FKBP4: variants seen among roughly 807,000 people sequenced by gnomAD.
FKBP4 encodes peptidyl-prolyl cis-trans isomerase FKBP4.
FKBP4 carries 28 observed loss-of-function variants against 54.1 expected under a neutral mutation model. The ratio of observed to expected loss-of-function variants is 0.52; its 90% CI spans 0.38 to 0.71. FKBP4 has a LOEUF of 0.71. FKBP4 is among the 30% of genes least tolerant of loss of function. FKBP4 has a pLI of 0.00. For synonymous variants in FKBP4, 223 were observed against 216.1 expected (o/e 1.03, Z -0.28); for missense variants, 493 against 574.4 (o/e 0.86, Z 1.45).
chr12:2,798,756 C>A lies in FKBP4; in HGVS notation c.444C>A (p.Gly148=), dbSNP rs1459297093. ...KGEDLTEEED[G]GIIRRIQTRG... ...AAGATCTGACGGAAGAGGAAGATGG[C>A]GGAATCATTCGCAGAATACAGACTC... The change falls in exon 4 of 10, where the codon GGC becomes GGA. Residue 148 remains glycine, a synonymous_variant. Transcript: ENST00000001008. The surrounding 1 kb of genome is among the most constrained non-coding windows in gnomAD (Gnocchi z 4.3). 9 of 1,614,044 alleles carry A rather than the reference C, an allele frequency of 5.6e-6. No individual in the cohort carries two copies. In the South Asian group the frequency reaches 8.8e-5, roughly 16 times the overall value.
rs2097901538 is a variant in FKBP4, at chr12:2,795,910, A to C, written c.105+666A>C. ...GCCCCGGGGAGGCCGGGCGCGGGGCATGCCGGGAGCTGTAGTCCCCTCCCC... is the reference window on the plus strand; with the variant it reads ...GCCCCGGGGAGGCCGGGCGCGGGGCCTGCCGGGAGCTGTAGTCCCCTCCCC... On this transcript the variant is annotated intron_variant, in intron 1 of 9. Coordinates refer to ENST00000001008, the MANE Select transcript of FKBP4 (RefSeq NM_002014.4). This position sits in a 1 kb window ranked among gnomAD's most constrained non-coding sequence, Gnocchi z 4.3. 1 of 983,020 alleles carries C rather than the reference A, an allele frequency of 1.0e-6. No individual in the cohort carries two copies. Among genetic ancestry groups the C allele is most frequent in the Middle Eastern group, 5.2e-4 (1 of 1,918 alleles). The allele number at this position is 983,020 out of a possible 1,614,324, so 60.9% of individuals were successfully genotyped here. A position where few individuals can be genotyped will look rare whatever the true frequency, so the allele number is the denominator to read the frequency against.
chr12:2,799,752 A>G, intron 5 of FKBP4, 98 bp from the exon 6 acceptor site: 1 of 1,009,174 alleles, frequency 9.9e-7, no homozygotes, highest in East Asian at 2.5e-5. Flanking sequence ...GTCTCAAGGG[A>G]TGGGAAGGTA....
intron 5 of FKBP4, 152 bp from the exon 6 acceptor site, chr12:2,799,698 C>T (rs2097903694): frequency 1.5e-6 from 1 of 671,960 alleles, no homozygotes; most frequent in East Asian, 2.7e-5. Context: ...GACCATCTGA[C>T]AGTGTGAAGA....
rs772597983 is a variant in FKBP4, at chr12:2,799,153, G to C, written c.580G>C (p.Glu194Gln). The change falls in exon 5 of 10, where the codon GAG (glutamate) becomes CAG (glutamine). Residue 194 changes from glutamate (E) to glutamine (Q), a missense_variant. Glu to Gln is a conservative substitution (Grantham distance 29). Transcript: ENST00000001008. ...DQRELRFEIG[E>Q]GENLDLPYGL... ...GCGGGAGCTCCGCTTTGAGATTGGCGAGGGGGAGAACCTGGATCTGCCTTA... is the reference window on the plus strand; with the variant it reads ...GCGGGAGCTCCGCTTTGAGATTGGCCAGGGGGAGAACCTGGATCTGCCTTA... 1.3e-6 allele frequency: 2 copies of C among 1,592,952 alleles called. No individual in the cohort carries two copies. The highest frequency in any genetic ancestry group is 1.7e-6 in the Non-Finnish European group (2 of 1,171,912).
chr12:2,801,163 G>C lies in FKBP4; in HGVS notation c.1079G>C (p.Gly360Ala), dbSNP rs1565397887. The change falls in exon 9 of 10, where the codon GGA becomes GCA. Residue 360 changes from glycine (G) to alanine (A), a missense_variant. Transcript: ENST00000001008. The stretch of plus-strand genomic sequence containing the variant: ...AACGAGAAGGGCCTCTTCCGCCGGG[G>C]AGAGGCCCACCTGGCCGTGAATGAC... ...SNNEKGLFRR[G>A]EAHLAVNDFE... 6 of 1,613,632 alleles carry C rather than the reference G, an allele frequency of 3.7e-6. No homozygotes were observed. Among genetic ancestry groups the C allele is most frequent in the Non-Finnish European group, 3.4e-6 (4 of 1,179,932 alleles).
chr12:2,800,555 C>A lies in FKBP4; in HGVS notation c.1010C>A (p.Ala337Asp). 1 of 1,611,866 alleles carries A rather than the reference C, an allele frequency of 6.2e-7. No individual in the cohort carries two copies. Among genetic ancestry groups the A allele is most frequent in the Non-Finnish European group, 8.5e-7 (1 of 1,179,076 alleles). The change falls in exon 8 of 10, where the codon GCT becomes GAT. Residue 337 changes from alanine (A) to aspartate (D), a missense_variant. Ala to Asp is a moderately radical substitution (Grantham distance 126). Transcript: ENST00000001008. ...MCHLKLQAFSAAIESCNKALE... is the reference protein window; with the variant it reads ...MCHLKLQAFSDAIESCNKALE... ...CATCTGAAACTACAGGCCTTCTCTGCTGCCATTGAAAGCTGTAACAAGGTG... is the reference window on the plus strand; with the variant it reads ...CATCTGAAACTACAGGCCTTCTCTGATGCCATTGAAAGCTGTAACAAGGTG...
Position 2,797,844 on chromosome 12 carries a change from T to G in FKBP4, c.366T>G (p.Ile122Met). 6.2e-7 allele frequency: 1 copy of G among 1,613,680 alleles called. No individual in the cohort carries two copies. The highest frequency in any genetic ancestry group is 8.5e-7 in the Non-Finnish European group (1 of 1,179,820). Reference protein sequence around the residue: ...AYGSAGSPPKIPPNATLVFEV... With the variant: ...AYGSAGSPPKMPPNATLVFEV... The stretch of plus-strand genomic sequence containing the variant: ...GTTCAGCAGGCAGTCCTCCAAAGAT[T>G]CCCCCCAATGCCACGCTTGTATTTG... Residue 122 changes from isoleucine (I) to methionine (M), a missense_variant, in exon 3 of 10, where the codon ATT becomes ATG. Ile to Met is a conservative substitution (Grantham distance 10). Coordinates refer to ENST00000001008, the MANE Select transcript of FKBP4 (RefSeq NM_002014.4).
rs1040396740 is a variant in FKBP4 at position 2,798,430 on chromosome 12, G to A, written c.394-276G>A. On this transcript the variant is annotated intron_variant, in intron 3 of 9. Coordinates refer to ENST00000001008, the MANE Select transcript of FKBP4 (RefSeq NM_002014.4). The surrounding 1 kb of genome is among the most constrained non-coding windows in gnomAD (Gnocchi z 4.3). ...AGTGTGAATTAGGATTATCTGGGAC[G>A]CGTCCTGATATGTCCGTGTTAGTAG... is the stretch of plus-strand genomic sequence containing the variant. Among the ~76,000 whole-genome samples the A allele has an allele frequency of 6.6e-6, 1 of 152,206 alleles. No individual in the cohort carries two copies. The highest frequency in any genetic ancestry group is 2.4e-5 in the African/African-American group (1 of 41,440).
chr12:2,803,066 G>A, intron 9 of FKBP4, 85 bp from the exon 10 acceptor site: 1 of 944,566 alleles, frequency 1.1e-6, no homozygotes, highest in Non-Finnish European at 1.7e-6. Flanking sequence ...AGGAGAATGG[G>A]TGTATCTGTG....
At position 2,795,076 on chromosome 12, in the gene FKBP4, G is replaced by A; in HGVS notation, c.-64G>A. 6 of 1,069,640 alleles carry A rather than the reference G, an allele frequency of 5.6e-6. No individual in the cohort carries two copies. Among genetic ancestry groups the A allele is most frequent in the Non-Finnish European group, 7.2e-6 (6 of 832,644 alleles). The allele number at this position is 1,069,640 out of a possible 1,614,324, so 66.3% of individuals were successfully genotyped here. A position where few individuals can be genotyped will look rare whatever the true frequency, so the allele number is the denominator to read the frequency against. On this transcript the variant is annotated 5_prime_UTR_variant, in exon 1 of 10. Transcript: ENST00000001008. This position sits in a 1 kb window ranked among gnomAD's most constrained non-coding sequence, Gnocchi z 4.3. ...CGCACGCCCCGCAGGTAGCGCCCCC[G>A]CCCGCGGCCCAGAGTGCGCTCGCGC... is the stretch of plus-strand genomic sequence containing the variant.
Position 2,805,386 on chromosome 12 carries a change from TA to T in FKBP4, c.*2130del. Reference sequence around the variant, plus strand: ...ATCTAGAGATAAGTCTTAGTTTATGTAACATTAAAACTGTCTAGTGAGGATG... The same window carrying T: ...ATCTAGAGATAAGTCTTAGTTTATGTACATTAAAACTGTCTAGTGAGGATG... On this transcript the variant is annotated 3_prime_UTR_variant, in exon 10 of 10. Coordinates refer to ENST00000001008, the MANE Select transcript of FKBP4 (RefSeq NM_002014.4). 2 of 322,340 alleles carry T rather than the reference TA, an allele frequency of 6.2e-6. 1 individual carries two copies. The highest frequency in any genetic ancestry group is 5.0e-5 in the South Asian group (2 of 40,020). 20.0% of individuals were successfully genotyped at this position (322,340 alleles called of 1,614,324 possible). A position where few individuals can be genotyped will look rare whatever the true frequency, so the allele number is the denominator to read the frequency against.
chr12:2,797,883 G>A lies in FKBP4; in HGVS notation c.393+12G>A. The A allele has an allele frequency of 1.2e-6, 2 of 1,610,144 alleles. No homozygotes were observed. Among genetic ancestry groups the A allele is most frequent in the South Asian group, 1.1e-5 (1 of 90,556 alleles). ...CGCTTGTATTTGAGGTGAGTGTTTG[G>A]TCACTGAGATCCAGGCTAAGAGCCA... On this transcript the variant is annotated intron_variant, in intron 3 of 9. Coordinates refer to ENST00000001008, the MANE Select transcript of FKBP4 (RefSeq NM_002014.4).
chr12:2,799,288 A>G, intron 5 of FKBP4, 44 bp downstream of exon 5: 1 of 1,463,704 alleles, frequency 6.8e-7, no homozygotes, highest in Non-Finnish European at 9.0e-7. Flanking sequence ...AGGCAAACCA[A>G]GATCAAAGAT....
rs534786487 is a variant in FKBP4 at position 2,798,116 on chromosome 12, C to T, written c.393+245C>T. ...CAAAGCATGGTCAGGGTTAAGGCAT[C>T]TTTATCTCCAGAGCGGTACCCAGAA... On this transcript the variant is annotated intron_variant, in intron 3 of 9. Transcript: ENST00000001008. This position sits in a 1 kb window ranked among gnomAD's most constrained non-coding sequence, Gnocchi z 4.3. Among the ~76,000 whole-genome samples, 1 of 152,334 alleles carries T rather than the reference C, an allele frequency of 6.6e-6. No individual in the cohort carries two copies. Among genetic ancestry groups the T allele is most frequent in the South Asian group, 2.1e-4 (1 of 4,832 alleles).
chr12:2,795,858 A>AGAT lies in FKBP4; in HGVS notation c.105+614_105+615insGAT. 1.4e-6 allele frequency: 1 copy of AGAT among 739,344 alleles called. No homozygotes were observed. Among genetic ancestry groups the AGAT allele is most frequent in the Non-Finnish European group, 1.7e-6 (1 of 604,392 alleles). The allele number at this position is 739,344 out of a possible 1,614,324, so 45.8% of individuals were successfully genotyped here. ...GACGCCGGGACCCAGCGAGGTCCCCACTCGCCGCGCGGCGCCCCCTCCCTC... is the reference window on the plus strand; with the variant it reads ...GACGCCGGGACCCAGCGAGGTCCCCAGATCTCGCCGCGCGGCGCCCCCTCCCTC... On this transcript the variant is annotated intron_variant, in intron 1 of 9. Transcript: ENST00000001008. This position sits in a 1 kb window ranked among gnomAD's most constrained non-coding sequence, Gnocchi z 4.3.
chr12:2,798,576 ACTC>A lies in FKBP4; in HGVS notation c.394-127_394-125del. The stretch of plus-strand genomic sequence containing the variant: ...CTGAAAAAAAGTGCCACTCTACCCA[ACTC>A]CTTGTGACTGCCCTTGTGGTCAGAT... On this transcript the variant is annotated intron_variant, in intron 3 of 9. Transcript: ENST00000001008. This position sits in a 1 kb window ranked among gnomAD's most constrained non-coding sequence, Gnocchi z 4.3. The A allele has an allele frequency of 6.7e-7, 1 of 1,502,242 alleles. No individual in the cohort carries two copies. The highest frequency in any genetic ancestry group is 1.2e-5 in the South Asian group (1 of 80,456). 93.1% of individuals were successfully genotyped at this position (1,502,242 alleles called of 1,614,324 possible).
In FKBP4 at chr12:2,799,106, A is replaced by G. The variant is rs1174973235; in HGVS notation, c.533A>G (p.Tyr178Cys). 1 of 1,553,422 alleles carries G rather than the reference A, an allele frequency of 6.4e-7. No homozygotes were observed. Among genetic ancestry groups the G allele is most frequent in the African/African-American group, 1.4e-5 (1 of 72,842 alleles). The change falls in exon 5 of 10, where the codon TAC (tyrosine) becomes TGC (cysteine). Residue 178 changes from tyrosine (Y) to cysteine (C), a missense_variant. Physicochemically the swap from Tyr to Cys is radical, Grantham distance 194. Coordinates refer to ENST00000001008, the MANE Select transcript of FKBP4 (RefSeq NM_002014.4). ...ATGCCAGTTGCACTGGAAGGGTACT[A>G]CAAGGACAAGCTCTTTGACCAGCGG... ...AIVEVALEGY[Y>C]KDKLFDQREL...
Position 2,800,393 on chromosome 12 carries a change from A to G in FKBP4, c.848A>G (p.Glu283Gly), listed in dbSNP as rs899312644. The change falls in exon 8 of 10, where the codon GAA becomes GGA. Residue 283 changes from glutamate (E) to glycine (G), a missense_variant and splice_region_variant. By Grantham distance (98) the Glu-to-Gly change is moderately conservative. Transcript: ENST00000001008. ...VKERGTVYFK[E>G]GKYKQALLQY... ...GCCTGAGCCTCTCTCCCATTCCAGG[A>G]AGGTAAATACAAGCAAGCTTTACTA... 1.2e-6 allele frequency: 2 copies of G among 1,608,854 alleles called. No homozygotes were observed. The highest frequency in any genetic ancestry group is 1.7e-6 in the Non-Finnish European group (2 of 1,177,202).
At chr12:2,801,745 C>A (rs1359911696) in intron 9 of FKBP4, 1 of 354,168 alleles carries the variant, frequency 2.8e-6, no homozygotes, top group Non-Finnish European at 5.6e-6. Flanking sequence ...CAAAATGAAA[C>A]CCCATCTCAA....
Sources: gnomAD v4.1 joint callset for allele counts (sites outside exome capture counted in the v4.1 genomes callset) on GRCh38, gnomAD v4.1.1 for gene constraint, Gnocchi (gnomAD v3.1) non-coding constraint, MANE v1.5 for transcripts, NCBI Gene and HGNC (gene_info 2026-07-23, HGNC 2026-07-21) for gene names.